Variants in PAX5 observed in about 807,000 individuals in gnomAD.
PAX5 encodes paired box 5.
PAX5 carries 9 observed loss-of-function variants against 43.7 expected under a neutral mutation model. The ratio of observed to expected loss-of-function variants is 0.21; its 90% CI spans 0.12 to 0.36. The LOEUF (loss-of-function observed/expected upper bound fraction) is 0.36, where lower values mean the gene tolerates loss of function less well. Ranked by LOEUF, PAX5 falls within the 10% of genes least tolerant of loss-of-function variation. The pLI is 1.00. For missense variants in PAX5, 383 were observed against 532.7 expected (o/e 0.72, Z 2.77); for synonymous variants, 228 against 214.3 (o/e 1.06, Z -0.56).
At chr9:37,012,828 A>G (rs1839063637) in intron 3 of PAX5, among the ~76,000 whole-genome samples, 1 of 152,250 alleles carries the variant, frequency 6.6e-6, no homozygotes, top group Non-Finnish European at 1.5e-5. Flanking sequence ...ATTAAAATAA[A>G]TGTATTAGAA....
chr9:37,025,598 T>C (rs1057060907), intron 1 of PAX5, among the ~76,000 whole-genome samples: 1 of 152,340 alleles, frequency 6.6e-6, no homozygotes, highest in African/African-American at 2.4e-5. Context: ...TTCGTTCCAC[T>C]TGGAATTTCC....
intron 6 of PAX5, among the ~76,000 whole-genome samples, chr9:36,961,215 C>T (rs897134524): frequency 1.1e-4 from 16 of 152,252 alleles, no homozygotes; most frequent in African/African-American, 3.9e-4. Flanking sequence ...GAAGGCAATG[C>T]TGTTCGGCCC....
intron 5 of PAX5, among the ~76,000 whole-genome samples, chr9:36,996,520 G>A (rs1055241823): frequency 2.0e-5 from 3 of 152,194 alleles, no homozygotes; most frequent in African/African-American, 7.2e-5. Flanking sequence ...CCTGACTCAG[G>A]AATCCTGAGC....
At chr9:36,842,493 C>A (rs1052315776) in intron 9 of PAX5, among the ~76,000 whole-genome samples, 6 of 152,208 alleles carry the variant, frequency 3.9e-5, no homozygotes, top group Non-Finnish European at 7.3e-5. Flanking sequence ...CCTCCCAAAG[C>A]CAGGCTAGAC....
intron 5 of PAX5, among the ~76,000 whole-genome samples, chr9:36,969,769 G>C (rs1049426715): frequency 4.5e-4 from 69 of 152,142 alleles, no homozygotes; most frequent in African/African-American, 1.6e-3. Flanking sequence ...GACTGCCCTC[G>C]AAGGGCTGCG....
Position 36,929,295 on chromosome 9 carries a change from AT to A in PAX5, c.781-5812del, listed in dbSNP as rs1424085547. Among the ~76,000 whole-genome samples, 147 of 150,774 alleles carry A rather than the reference AT, an allele frequency of 9.7e-4. 1 individual carries two copies. In the East Asian group the frequency reaches 0.025, roughly 26 times the overall value. ...GAAGGAAGGAAGGAAGGAAGGATGG[AT>A]GAGAGAGAGAGAGAGAGAAAGAAAG... On this transcript the variant is annotated intron_variant, in intron 6 of 9. Transcript: ENST00000358127.
intron 7 of PAX5, among the ~76,000 whole-genome samples, chr9:36,911,417 T>C (rs1257967180): frequency 2.0e-5 from 3 of 151,886 alleles, no homozygotes; most frequent in Non-Finnish European, 4.4e-5. Flanking sequence ...CGCCTTGACC[T>C]CCGGAAGTGC....
intron 6 of PAX5, among the ~76,000 whole-genome samples, chr9:36,950,070 A>T (rs1353632957): frequency 6.6e-6 from 1 of 152,184 alleles, no homozygotes; most frequent in Non-Finnish European, 1.5e-5. Context: ...TAAGTCCCTA[A>T]GCTCCTTCTG....
intron 8 of PAX5, among the ~76,000 whole-genome samples, chr9:36,877,811 G>A (rs545037131): frequency 3.9e-5 from 6 of 152,184 alleles, no homozygotes; most frequent in South Asian, 4.1e-4. Flanking sequence ...GTGACTCCCC[G>A]TGAAAGGAAA....
chr9:36,968,420 C>T (rs1218739221), intron 5 of PAX5, among the ~76,000 whole-genome samples: 1 of 152,246 alleles, frequency 6.6e-6, no homozygotes, highest in Non-Finnish European at 1.5e-5. Flanking sequence ...GACATTTGAA[C>T]AAAGATAGCA....
chr9:36,930,387 C>G (rs1310782234), intron 6 of PAX5, among the ~76,000 whole-genome samples: 3 of 152,014 alleles, frequency 2.0e-5, no homozygotes, highest in African/African-American at 4.8e-5. Context: ...CCACACCCAG[C>G]ACCTAATTAT....
chr9:36,998,396 C>G (rs146678185), intron 5 of PAX5, among the ~76,000 whole-genome samples: 6 of 152,266 alleles, frequency 3.9e-5, no homozygotes, highest in African/African-American at 1.4e-4. Context: ...CTATGGAAGC[C>G]CAAAATACCA....
intron 7 of PAX5, chr9:36,893,418 A>G (rs907592405): frequency 2.6e-5 from 4 of 152,408 alleles, no homozygotes; most frequent in Non-Finnish European, 5.9e-5. Context: ...ACCATGAACA[A>G]TCCCAGCCCC....
intron 7 of PAX5, among the ~76,000 whole-genome samples, chr9:36,894,606 T>C (rs764260307): frequency 6.6e-6 from 1 of 152,096 alleles, no homozygotes; most frequent in Non-Finnish European, 1.5e-5. Context: ...TGTGTCAGGT[T>C]TTGCATTTAT....
chr9:37,032,935 C>A (rs960333203), intron 1 of PAX5, among the ~76,000 whole-genome samples: 3 of 152,254 alleles, frequency 2.0e-5, no homozygotes, highest in African/African-American at 7.2e-5. Flanking sequence ...TATGCACATG[C>A]ATCCACCCAC....
At chr9:37,025,760 C>A (rs117971603) in intron 1 of PAX5, among the ~76,000 whole-genome samples, 1 of 152,376 alleles carries the variant, frequency 6.6e-6, no homozygotes, top group Non-Finnish European at 1.5e-5. Context: ...TTCCCGTCTC[C>A]TACACACGCT....
chr9:36,876,570 C>T (rs1825930832), intron 8 of PAX5, among the ~76,000 whole-genome samples: 1 of 152,200 alleles, frequency 6.6e-6, no homozygotes, highest in Non-Finnish European at 1.5e-5. Context: ...ATATTTGCAA[C>T]CATGTTAGGT....
chr9:36,992,849 G>A (rs1037252643), intron 5 of PAX5, among the ~76,000 whole-genome samples: 7 of 152,242 alleles, frequency 4.6e-5, no homozygotes, highest in Non-Finnish European at 1.0e-4. Flanking sequence ...GTAGTCCAGG[G>A]AGCCCTGCCA....
intron 3 of PAX5, among the ~76,000 whole-genome samples, chr9:37,011,745 A>G (rs566412629): frequency 6.6e-6 from 1 of 152,292 alleles, no homozygotes; most frequent in East Asian, 1.9e-4. Context: ...ACAGGAAGTC[A>G]CATACTCCTA....
Sources: gnomAD v4.1 joint callset for allele counts (sites outside exome capture counted in the v4.1 genomes callset) on GRCh38, gnomAD v4.1.1 for gene constraint, MANE v1.5 for transcripts, NCBI Gene and HGNC (gene_info 2026-07-23, HGNC 2026-07-21) for gene names.